SLC34A3: variants seen among roughly 807,000 people sequenced by gnomAD.
The protein encoded by SLC34A3 is solute carrier family 34 member 3, also known as sodium-dependent phosphate transport protein 2C.
Under a neutral mutation model 43.9 loss-of-function variants are expected in SLC34A3, and 60 were observed. That is an observed-to-expected ratio of 1.37 (90% CI 1.11 to 1.70). SLC34A3 has a LOEUF of 1.70. Among genes scored for constraint, SLC34A3 ranks in the 40% most tolerant of loss-of-function variants. The pLI is 0.00. For synonymous variants in SLC34A3, 451 were observed against 386.2 expected (o/e 1.17, Z -1.97); for missense variants, 969 against 823.8 (o/e 1.18, Z -2.16).
Position 137,236,229 on chromosome 9 carries a change from G to T in SLC34A3, c.1613G>T (p.Arg538Leu). The stretch of plus-strand genomic sequence containing the variant: ...CTGGTTACTGTCCTGCAGCGGCGCC[G>T]GCCGGCCTGGCTGCCTGTCCGCCTG... ...VILVTVLQRR[R>L]PAWLPVRLRS... Residue 538 changes from arginine (R) to leucine (L), a missense_variant, in exon 13 of 13, where the codon CGG (arginine) becomes CTG (leucine). Arg to Leu is a moderately radical substitution (Grantham distance 102). Transcript: ENST00000673835. 6.4e-7 allele frequency: 1 copy of T among 1,559,032 alleles called. No homozygotes were observed. The highest frequency in any genetic ancestry group is 1.4e-5 in the African/African-American group (1 of 73,448).
In SLC34A3 at chr9:137,233,874, C is replaced by G. The variant is rs755171146; in HGVS notation, c.858C>G (p.Asn286Lys). ...CGTTGQPTQE[N>K]SSCGAFGPCT... ...CCTGCCCTCCCCAGACCCAGGAGAA[C>G]AGCAGCTGTGGCGCCTTCGGCCCGT... The change falls in exon 9 of 13, where the codon AAC becomes AAG. Residue 286 changes from asparagine to lysine, a missense_variant. Asn to Lys is a moderately conservative substitution (Grantham distance 94). Transcript: ENST00000673835. 1.9e-5 allele frequency: 30 copies of G among 1,606,542 alleles called. No homozygotes were observed. Among genetic ancestry groups the G allele is most frequent in the Non-Finnish European group, 2.4e-5 (28 of 1,178,428 alleles).
intron 1 of SLC34A3, among the ~76,000 whole-genome samples, chr9:137,231,300 A>G (rs915584018): frequency 6.6e-6 from 1 of 152,180 alleles, no homozygotes; most frequent in Admixed American, 6.5e-5. Context: ...CCAAAGTCTA[A>G]GTCGGGACCA....
rs531529369 is a variant in SLC34A3, at chr9:137,232,576, G to C, written c.177G>C (p.Glu59Asp). 1.1e-5 allele frequency: 18 copies of C among 1,611,598 alleles called. No homozygotes were observed. The South Asian group carries it at 2.0e-4, about 18-fold the overall frequency. The change falls in exon 4 of 13, where the codon GAG becomes GAC. Residue 59 changes from glutamate to aspartate, a missense_variant and splice_region_variant. Physicochemically the swap from Glu to Asp is conservative, Grantham distance 45. Coordinates refer to ENST00000673835, the MANE Select transcript of SLC34A3 (RefSeq NM_001177316.2). ...QLKDTSQPWK[E>D]LRVAGRLRRV... ...GGACAGCCTGCCCTGTGTCCTCAGA[G>C]CTCCGCGTGGCCGGCAGGCTGCGCC...
intron 5 of SLC34A3, 21 bp downstream of exon 5, chr9:137,232,948 C>CGGGTGGTGGGGGGGGCA (rs1293451048): frequency 2.9e-5 from 32 of 1,100,378 alleles, no homozygotes; most frequent in Admixed American, 2.1e-4. Context: ...ACTCCCTCCC[C>CGGGTGGTGGGGGGGGCA]GGGTGGTGGG....
rs1179016195 is a variant in SLC34A3 at position 137,232,109 on chromosome 9, C to T, written c.123C>T (p.Asp41=). The T allele has an allele frequency of 1.2e-6, 2 of 1,613,220 alleles. No homozygotes were observed. Among genetic ancestry groups the T allele is most frequent in the Non-Finnish European group, 8.5e-7 (1 of 1,180,018 alleles). ...CTGCTCCAGTCTTGGAGGAAGGGGA[C>T]ACAGACCCCTGGACCCTCCCTCAGC... The part of the protein sequence containing the change: ...SSSAPVLEEG[D]TDPWTLPQLK... The change falls in exon 3 of 13, where the codon GAC becomes GAT. Residue 41 remains aspartate, a synonymous_variant. Coordinates refer to ENST00000673835, the MANE Select transcript of SLC34A3 (RefSeq NM_001177316.2).
chr9:137,235,873 T>TGGA, intron 12 of SLC34A3, 79 bp from the exon 13 acceptor site: 6 of 1,273,536 alleles, frequency 4.7e-6, no homozygotes, highest in Non-Finnish European at 6.9e-6. Flanking sequence ...TTCTGTAGGG[T>TGGA]GGAGGAGGGC....
chr9:137,236,005 G>C lies in SLC34A3; in HGVS notation c.1389G>C (p.Leu463=), dbSNP rs771534596. ...FNLAGILLWY[L]VPALRLPIPL... The stretch of plus-strand genomic sequence containing the variant: ...TGGCCGGCATCCTGCTGTGGTACCT[G>C]GTGCCTGCACTGCGGCTGCCCATCC... The change falls in exon 13 of 13, where the codon CTG becomes CTC. Residue 463 remains leucine (L), a synonymous_variant. Transcript: ENST00000673835. 2 of 1,612,620 alleles carry C rather than the reference G, an allele frequency of 1.2e-6. No homozygotes were observed. The highest frequency in any genetic ancestry group is 1.7e-6 in the Non-Finnish European group (2 of 1,179,884).
intron 12 of SLC34A3, 43 bp from the exon 13 acceptor site, chr9:137,235,909 C>T (rs1335790417): frequency 6.3e-7 from 1 of 1,594,024 alleles, no homozygotes. Flanking sequence ...CTGGTGACCC[C>T]ACCTCGTTGG....
intron 12 of SLC34A3, among the ~76,000 whole-genome samples, chr9:137,235,442 G>C (rs944703994): frequency 2.0e-5 from 3 of 152,144 alleles, no homozygotes; most frequent in African/African-American, 7.2e-5. Flanking sequence ...TATCCACTTA[G>C]ACCCTCCCAG....
At position 137,234,139 on chromosome 9, in the gene SLC34A3, C is replaced by A. The variant is rs769622295; in HGVS notation, c.956C>A (p.Thr319Lys). The A allele has an allele frequency of 3.1e-6, 5 of 1,596,164 alleles. No individual in the cohort carries two copies. The highest frequency in any genetic ancestry group is 4.2e-6 in the Non-Finnish European group (5 of 1,177,034). Residue 319 changes from threonine to lysine, a missense_variant, in exon 10 of 13, where the codon ACG becomes AAG. Coordinates refer to ENST00000673835, the MANE Select transcript of SLC34A3 (RefSeq NM_001177316.2). The surrounding 1 kb of genome is among the most constrained non-coding windows in gnomAD (Gnocchi z 6.9). Reference protein sequence around the residue: ...CRHLFAGTELTDLAVGCILLA... With the variant: ...CRHLFAGTELKDLAVGCILLA... Reference sequence around the variant, plus strand: ...CACCTGTTTGCGGGCACGGAGCTCACGGACCTGGCCGTGGGCTGCATCCTG... The same window carrying A: ...CACCTGTTTGCGGGCACGGAGCTCAAGGACCTGGCCGTGGGCTGCATCCTG...
In SLC34A3 at chr9:137,236,426, G is replaced by A. The variant is rs953154505; in HGVS notation, c.*10G>A. Reference sequence around the variant, plus strand: ...CTCCCAGCAGTTGTGACGGGCAGTTGCTGAGCAGACCGCCCCACCCTCCCC... The same window carrying A: ...CTCCCAGCAGTTGTGACGGGCAGTTACTGAGCAGACCGCCCCACCCTCCCC... On this transcript the variant is annotated 3_prime_UTR_variant, in exon 13 of 13. Coordinates refer to ENST00000673835, the MANE Select transcript of SLC34A3 (RefSeq NM_001177316.2). 6 of 1,535,154 alleles carry A rather than the reference G, an allele frequency of 3.9e-6. No homozygotes were observed. Among genetic ancestry groups the A allele is most frequent in the Non-Finnish European group, 5.2e-6 (6 of 1,145,682 alleles).
intron 12 of SLC34A3, among the ~76,000 whole-genome samples, chr9:137,235,248 A>G (rs1414733103): frequency 6.6e-6 from 1 of 151,722 alleles, no homozygotes; most frequent in East Asian, 1.9e-4. Flanking sequence ...CTGTGCCCCA[A>G]CCCCAGTCTC....
Position 137,236,132 on chromosome 9 carries a change from C to G in SLC34A3, c.1516C>G (p.Leu506Val). Residue 506 changes from leucine to valine, a missense_variant, in exon 13 of 13, where the codon CTC (leucine) becomes GTC (valine). Physicochemically the swap from Leu to Val is conservative, Grantham distance 32. Coordinates refer to ENST00000673835, the MANE Select transcript of SLC34A3 (RefSeq NM_001177316.2). ...GCTGCTGCCCCTGGCGGCCTTCGGG[C>G]TCTCCCTGGCAGGGGGCATGGAGCT... Reference protein sequence around the residue: ...FLLLPLAAFGLSLAGGMELAA... With the variant: ...FLLLPLAAFGVSLAGGMELAA... The G allele has an allele frequency of 6.2e-7, 1 of 1,611,038 alleles. No homozygotes were observed. The highest frequency in any genetic ancestry group is 8.5e-7 in the Non-Finnish European group (1 of 1,179,466).
At position 137,234,285 on chromosome 9, in the gene SLC34A3, G is replaced by T. The variant is rs199976309; in HGVS notation, c.1093+9G>T. 6.2e-6 allele frequency: 10 copies of T among 1,609,568 alleles called. No homozygotes were observed. The highest frequency in any genetic ancestry group is 8.5e-6 in the Non-Finnish European group (10 of 1,179,436). ...GACAGTCATCAATGCGGGTGAGGGC[G>T]TGGGAGGAGGTGCGGTGGCCAGGGC... On this transcript the variant is annotated intron_variant, in intron 10 of 12. Coordinates refer to ENST00000673835, the MANE Select transcript of SLC34A3 (RefSeq NM_001177316.2). The surrounding 1 kb of genome is among the most constrained non-coding windows in gnomAD (Gnocchi z 6.9).
At chr9:137,235,510 C>A (rs567768407) in intron 12 of SLC34A3, among the ~76,000 whole-genome samples, 2 of 152,220 alleles carry the variant, frequency 1.3e-5, no homozygotes, top group African/African-American at 2.4e-5. Flanking sequence ...TGTGTGTGGA[C>A]TCCTCCAAGT....
At chr9:137,233,779 T>TGGGGGCCCCCCCCCCCCCCCCCCCC in intron 8 of SLC34A3, 57 bp downstream of exon 8, 1 of 1,445,800 alleles carries the variant, frequency 6.9e-7, no homozygotes, top group Non-Finnish European at 9.6e-7. Flanking sequence ...TGCTGAGTCA[T>TGGGGGCCCCCCCCCCCCCCCCCCCC]CCCGCCCCAC....
At position 137,235,965 on chromosome 9, in the gene SLC34A3, ACTT is replaced by A. The variant is rs761662543; in HGVS notation, c.1357_1359del (p.Phe453del). ...CCTCGCCCCCAGGTCGCCCTCATCCACTTCTTCTTCAACCTGGCCGGCATCCTG... is the reference window on the plus strand; with the variant it reads ...CCTCGCCCCCAGGTCGCCCTCATCCACTTCTTCAACCTGGCCGGCATCCTG... On this transcript the variant is annotated inframe_deletion, in exon 13 of 13. Transcript: ENST00000673835. 76 of 1,611,814 alleles carry A rather than the reference ACTT, an allele frequency of 4.7e-5. No individual in the cohort carries two copies. The highest frequency in any genetic ancestry group is 5.0e-5 in the Admixed American group (3 of 59,982).
rs777238777 is a variant in SLC34A3 at position 137,234,229 on chromosome 9, T to G, written c.1046T>G (p.Val349Gly). 1.9e-6 allele frequency: 3 copies of G among 1,609,828 alleles called. No homozygotes were observed. The highest frequency in any genetic ancestry group is 4.5e-5 in the East Asian group (2 of 44,788). ...CTCATAGTCAAGCTGCTCAACTCTG[T>G]GCTGCGCGGCCGCGTGGCCCAGGTC... ...LVLIVKLLNS[V>G]LRGRVAQVVR... is the part of the protein sequence containing the mutation. Residue 349 changes from valine (V) to glycine (G), a missense_variant, in exon 10 of 13, where the codon GTG (valine) becomes GGG (glycine). Coordinates refer to ENST00000673835, the MANE Select transcript of SLC34A3 (RefSeq NM_001177316.2). This position sits in a 1 kb window ranked among gnomAD's most constrained non-coding sequence, Gnocchi z 6.9.
chr9:137,234,948 C>T lies in SLC34A3; in HGVS notation c.1335+217C>T, dbSNP rs1836500561. Reference sequence around the variant, plus strand: ...CTCCCTGCGTCTCCTCCCTTGAGACCTCCTCACTTCCACATTTTCTCAGCT... The same window carrying T: ...CTCCCTGCGTCTCCTCCCTTGAGACTTCCTCACTTCCACATTTTCTCAGCT... On this transcript the variant is annotated intron_variant, in intron 12 of 12. Coordinates refer to ENST00000673835, the MANE Select transcript of SLC34A3 (RefSeq NM_001177316.2). The surrounding 1 kb of genome is among the most constrained non-coding windows in gnomAD (Gnocchi z 6.9). Among the ~76,000 whole-genome samples the T allele has an allele frequency of 6.6e-6, 1 of 152,100 alleles. No homozygotes were observed. Among genetic ancestry groups the T allele is most frequent in the Admixed American group, 6.5e-5 (1 of 15,274 alleles).
Sources: allele counts gnomAD v4.1 joint callset (sites outside exome capture counted in the v4.1 genomes callset), GRCh38; gene constraint gnomAD v4.1.1; non-coding constraint Gnocchi (gnomAD v3.1); transcripts MANE v1.5; gene names NCBI Gene and HGNC (gene_info 2026-07-23, HGNC 2026-07-21).